Variants in FMN2 observed in about 807,000 individuals in gnomAD.
FMN2 encodes the protein formin-2.
Under a neutral mutation model 142.3 loss-of-function variants are expected in FMN2, and 51 were observed. The ratio of observed to expected loss-of-function variants is 0.36; its 90% CI spans 0.29 to 0.45. The LOEUF (loss-of-function observed/expected upper bound fraction) is 0.45. Among genes scored for constraint, FMN2 ranks in the 20% least tolerant of loss-of-function variants. The pLI is 1.00. For missense variants in FMN2, 1,936 were observed against 2,122.8 expected, an observed-to-expected ratio of 0.91 and a Z score of 1.73; for synonymous variants, 882 against 869.8, an observed-to-expected ratio of 1.01 and a Z score of -0.25.
At chr1:240,177,891 C>T in intron 2 of FMN2, 30 bp from the exon 3 acceptor site, 1 of 1,517,920 alleles carries the variant, frequency 6.6e-7, no homozygotes, top group Non-Finnish European at 8.8e-7. Flanking sequence ...GAATTAATAG[C>T]ATTTCAACAT....
intron 16 of FMN2, among the ~76,000 whole-genome samples, chr1:240,441,357 T>G (rs1003620403): frequency 6.0e-4 from 91 of 152,162 alleles, no homozygotes; most frequent in African/African-American, 2.1e-3. Flanking sequence ...TTGAATGCCC[T>G]GGGACATGGA....
intron 8 of FMN2, among the ~76,000 whole-genome samples, chr1:240,304,015 T>G (rs4659959): frequency 6.6e-6 from 1 of 152,054 alleles, no homozygotes; most frequent in Non-Finnish European, 1.5e-5. Flanking sequence ...ATTTTTCACC[T>G]TCTTTTTGAT....
intron 16 of FMN2, among the ~76,000 whole-genome samples, chr1:240,460,722 G>GTAAA (rs56382845): frequency 0.38 from 57,246 of 151,448 alleles, 11,161 homozygotes; most frequent in Middle Eastern, 0.52. Context: ...AAGCAAGAAA[G>GTAAA]TAAAATATTA....
rs1233014893 is a variant in FMN2, at chr1:240,333,956, T to C, written c.4644+10T>C. The C allele has an allele frequency of 1.2e-6, 2 of 1,602,030 alleles. No homozygotes were observed. Among genetic ancestry groups the C allele is most frequent in the African/African-American group, 2.7e-5 (2 of 74,694 alleles). ...CCGAAATTTTGATGAGGTAAGACAA[T>C]TTTTACATATAGTCATATTCCATTA... On this transcript the variant is annotated intron_variant, in intron 12 of 17. Coordinates refer to ENST00000319653, the MANE Select transcript of FMN2 (RefSeq NM_020066.5).
At chr1:240,320,691 T>C (rs1399414320) in intron 8 of FMN2, among the ~76,000 whole-genome samples, 3 of 152,194 alleles carry the variant, frequency 2.0e-5, no homozygotes, top group Non-Finnish European at 2.9e-5. Context: ...GAGAATTTAA[T>C]GATCAGCTAG....
intron 13 of FMN2, 35 bp from the exon 14 acceptor site, chr1:240,355,781 T>C (rs1672245154): frequency 6.7e-7 from 1 of 1,488,878 alleles, no homozygotes; most frequent in Non-Finnish European, 9.3e-7. Flanking sequence ...CCACTAACAG[T>C]GTGACACTCT....
At chr1:240,287,588 T>G (rs1194793228) in intron 7 of FMN2, among the ~76,000 whole-genome samples, 2 of 152,220 alleles carry the variant, frequency 1.3e-5, no homozygotes, top group Admixed American at 6.5e-5. Flanking sequence ...TCAGTACAAC[T>G]GAAACTGTCA....
chr1:240,380,627 A>G (rs1228045528), intron 14 of FMN2, among the ~76,000 whole-genome samples: 3 of 152,036 alleles, frequency 2.0e-5, no homozygotes, highest in South Asian at 4.2e-4. Context: ...ATGCCTACAT[A>G]AAAAACACAG....
At chr1:240,355,149 A>T (rs1188995957) in intron 13 of FMN2, among the ~76,000 whole-genome samples, 1 of 152,122 alleles carries the variant, frequency 6.6e-6, no homozygotes, top group African/African-American at 2.4e-5. Context: ...CTCTTGGGCA[A>T]ATTAGTGCCT....
chr1:240,418,625 A>T (rs1007756977), intron 15 of FMN2, among the ~76,000 whole-genome samples: 1 of 152,258 alleles, frequency 6.6e-6, no homozygotes, highest in Non-Finnish European at 1.5e-5. Flanking sequence ...GACTGTCTGC[A>T]TAAGAATAAT....
intron 3 of FMN2, among the ~76,000 whole-genome samples, chr1:240,184,670 G>T (rs1332779167): frequency 2.6e-5 from 4 of 151,966 alleles, no homozygotes; most frequent in Non-Finnish European, 5.9e-5. Flanking sequence ...ATTCGATGGA[G>T]ATGATCAGTC....
chr1:240,369,329 A>C (rs1418714758), intron 14 of FMN2, among the ~76,000 whole-genome samples: 2 of 152,188 alleles, frequency 1.3e-5, no homozygotes, highest in Non-Finnish European at 2.9e-5. Context: ...TTTTAATGCT[A>C]ATCTTACCAT....
chr1:240,294,827 G>A lies in FMN2; in HGVS notation c.4159G>A (p.Val1387Met). 1 of 1,613,958 alleles carries A rather than the reference G, an allele frequency of 6.2e-7. No homozygotes were observed. Among genetic ancestry groups the A allele is most frequent in the Non-Finnish European group, 8.5e-7 (1 of 1,179,860 alleles). Residue 1387 changes from valine to methionine, a missense_variant, in exon 8 of 18, where the codon GTG (valine) becomes ATG (methionine). By Grantham distance (21) the Val-to-Met change is conservative (BLOSUM62 1). Coordinates refer to ENST00000319653, the MANE Select transcript of FMN2 (RefSeq NM_020066.5). Reference sequence around the variant, plus strand: ...TTCTTCTTTTTTTTCCACAGCTGTTGTGAACTTGGATAATTCTGTGGTTGA... The same window carrying A: ...TTCTTCTTTTTTTTCCACAGCTGTTATGAACTTGGATAATTCTGTGGTTGA... Reference protein sequence around the residue: ...LDMKDIQHAVVNLDNSVVDLE... With the variant: ...LDMKDIQHAVMNLDNSVVDLE...
chr1:240,443,453 G>A (rs1406291131), intron 16 of FMN2, among the ~76,000 whole-genome samples: 1 of 152,228 alleles, frequency 6.6e-6, no homozygotes, highest in Non-Finnish European at 1.5e-5. Context: ...GCCAGGCATG[G>A]TGGCTCATAC....
chr1:240,101,756 A>C (rs2103177212), intron 1 of FMN2, among the ~76,000 whole-genome samples: 1 of 145,336 alleles, frequency 6.9e-6, no homozygotes, highest in South Asian at 2.2e-4. Context: ...TATGTTACCC[A>C]GGCTGGTCTC....
chr1:240,237,546 C>T (rs1425086336), intron 6 of FMN2, among the ~76,000 whole-genome samples: 1 of 152,158 alleles, frequency 6.6e-6, no homozygotes, highest in Non-Finnish European at 1.5e-5. Flanking sequence ...CGCAGCTGGT[C>T]TTTTTATCTT....
At chr1:240,101,633 C>T (rs1661418600) in intron 1 of FMN2, among the ~76,000 whole-genome samples, 1 of 151,962 alleles carries the variant, frequency 6.6e-6, no homozygotes, top group South Asian at 2.1e-4. Context: ...CTCCTGGTCC[C>T]AAGCAATCCT....
At chr1:240,385,851 T>C (rs1192936609) in intron 14 of FMN2, among the ~76,000 whole-genome samples, 2 of 151,944 alleles carry the variant, frequency 1.3e-5, no homozygotes, top group African/African-American at 4.8e-5. Flanking sequence ...CCCATATGTT[T>C]ATATACACCT....
At chr1:240,324,335 A>G (rs1468612007) in intron 8 of FMN2, among the ~76,000 whole-genome samples, 1 of 152,150 alleles carries the variant, frequency 6.6e-6, no homozygotes, top group African/African-American at 2.4e-5. Flanking sequence ...GATGAAAACG[A>G]TTTTTAAAAA....
Sources: gnomAD v4.1 joint callset for allele counts (sites outside exome capture counted in the v4.1 genomes callset) on GRCh38, gnomAD v4.1.1 for gene constraint, MANE v1.5 for transcripts, NCBI Gene and HGNC (gene_info 2026-07-23, HGNC 2026-07-21) for gene names.